Variants in MAP3K13 observed in about 807,000 individuals in gnomAD.
The protein encoded by MAP3K13 is mitogen-activated protein kinase kinase kinase 13, also known as leucine zipper-bearing kinase.
In MAP3K13, 52 loss-of-function variants were observed where a neutral mutation model predicts 104.0. The ratio of observed to expected loss-of-function variants is 0.50; its 90% confidence interval spans 0.40 to 0.63. The LOEUF is 0.63. MAP3K13 is among the 20% of genes least tolerant of loss of function. The probability of loss-of-function intolerance (pLI) is 0.00; values close to 1 mark genes in which losing one functional copy is unlikely to be tolerated. For synonymous variants in MAP3K13, 394 were observed against 442.2 expected (o/e 0.89, Z 1.37); for missense variants, 914 against 1,218.5 (o/e 0.75, Z 3.72).
At chr3:185,320,083 CTT>C (rs11382487) in intron 2 of MAP3K13, among the ~76,000 whole-genome samples, 3 of 143,786 alleles carry the variant, frequency 2.1e-5, no homozygotes, top group African/African-American at 2.6e-5. Flanking sequence ...ATGTAAGTAA[CTT>C]TTTTTTTTTT....
chr3:185,347,101 G>A (rs9882880), intron 2 of MAP3K13, among the ~76,000 whole-genome samples: 1 of 150,336 alleles, frequency 6.7e-6, no homozygotes, highest in East Asian at 1.9e-4. Flanking sequence ...ATTCTCCTGC[G>A]TCAGCCTCCT....
At chr3:185,402,084 T>C (rs548749957) in intron 1 of MAP3K13, among the ~76,000 whole-genome samples, 47 of 152,352 alleles carry the variant, frequency 3.1e-4, no homozygotes, top group South Asian at 4.1e-4. Flanking sequence ...AATTATTTAC[T>C]TGGACTCTCC....
At chr3:185,333,178 C>T (rs1224192372) in intron 2 of MAP3K13, among the ~76,000 whole-genome samples, 1 of 151,950 alleles carries the variant, frequency 6.6e-6, no homozygotes, top group African/African-American at 2.4e-5. Context: ...AATTTATAAG[C>T]TAGTCTAGTA....
intron 2 of MAP3K13, among the ~76,000 whole-genome samples, chr3:185,318,624 A>G (rs1192492070): frequency 6.6e-6 from 1 of 152,166 alleles, no homozygotes; most frequent in African/African-American, 2.4e-5. Context: ...GTAGCTTTCA[A>G]ATCTTTTTTG....
intron 1 of MAP3K13, among the ~76,000 whole-genome samples, chr3:185,364,569 AT>A (rs1723782059): frequency 6.6e-6 from 1 of 152,332 alleles, no homozygotes; most frequent in South Asian, 2.1e-4. Flanking sequence ...CTTCTAAATT[AT>A]GGCTATAATA....
intron 1 of MAP3K13, among the ~76,000 whole-genome samples, chr3:185,425,429 A>G (rs553650306): frequency 6.6e-6 from 1 of 152,134 alleles, no homozygotes; most frequent in South Asian, 2.1e-4. Context: ...CAATTACTAG[A>G]TCTTACTAAT....
At chr3:185,356,080 A>G (rs961198897) in intron 2 of MAP3K13, among the ~76,000 whole-genome samples, 7 of 152,246 alleles carry the variant, frequency 4.6e-5, no homozygotes, top group African/African-American at 1.4e-4. Context: ...TCAAAATATC[A>G]AAGATACAGC....
chr3:185,473,134 C>T lies in MAP3K13; in HGVS notation c.1803C>T (p.Asp601=). ...GGAATAGCAGAGGCAGCCATAGTGACTTTGCCGCAATCTTGAAAAACCAGC... is the reference window on the plus strand; with the variant it reads ...GGAATAGCAGAGGCAGCCATAGTGATTTTGCCGCAATCTTGAAAAACCAGC... The part of the protein sequence containing the change: ...RRGNSRGSHS[D]FAAILKNQPA... The change falls in exon 11 of 14, where the codon GAC becomes GAT. Residue 601 remains aspartate (D), a synonymous_variant. Coordinates refer to ENST00000265026, the MANE Select transcript of MAP3K13 (RefSeq NM_004721.5). This position sits in a 1 kb window ranked among gnomAD's most constrained non-coding sequence, Gnocchi z 4.9. 1.9e-6 allele frequency: 3 copies of T among 1,614,214 alleles called. No individual in the cohort carries two copies. Among genetic ancestry groups the T allele is most frequent in the Non-Finnish European group, 2.5e-6 (3 of 1,180,044 alleles).
Position 185,476,715 on chromosome 3 carries a change from A to T in MAP3K13, c.2431-611A>T, listed in dbSNP as rs146570025. 24 of 152,722 alleles carry T rather than the reference A, an allele frequency of 1.6e-4. 1 individual carries two copies. The East Asian group carries it at 4.4e-3, about 28-fold the overall frequency. 9.5% of individuals were successfully genotyped at this position (152,722 alleles called of 1,614,324 possible). ...ATTGCTGCCAACATGCTGACTCAAT[A>T]AAAATGCATTAAGCACTTTCTTTTA... On this transcript the variant is annotated intron_variant, in intron 11 of 13. Transcript: ENST00000265026.
intron 1 of MAP3K13, among the ~76,000 whole-genome samples, chr3:185,409,717 A>G (rs1401289733): frequency 1.3e-5 from 2 of 152,212 alleles, no homozygotes; most frequent in Admixed American, 6.5e-5. Flanking sequence ...ATGATAGCCA[A>G]GGTATGAATC....
At chr3:185,432,930 TAGCC>T (rs1381628307) in intron 2 of MAP3K13, among the ~76,000 whole-genome samples, 5 of 152,198 alleles carry the variant, frequency 3.3e-5, no homozygotes, top group African/African-American at 1.2e-4. Flanking sequence ...AGGGTTTCGC[TAGCC>T]AGAGACTAGC....
chr3:185,436,620 A>G (rs1715041161), intron 2 of MAP3K13, among the ~76,000 whole-genome samples: 1 of 152,188 alleles, frequency 6.6e-6, no homozygotes. Flanking sequence ...GTACTATGCT[A>G]GTGTATGGTA....
At chr3:185,441,547 AT>A (rs758346782) in intron 3 of MAP3K13, among the ~76,000 whole-genome samples, 2 of 152,312 alleles carry the variant, frequency 1.3e-5, no homozygotes, top group East Asian at 3.9e-4. Flanking sequence ...GATTGGAATA[AT>A]TGGAAAAGGT....
At chr3:185,455,069 TGA>T (rs1195327954) in intron 7 of MAP3K13, among the ~76,000 whole-genome samples, 10 of 114,990 alleles carry the variant, frequency 8.7e-5, no homozygotes, top group African/African-American at 1.3e-4. Context: ...GAGATATATA[TGA>T]GATATATGTG....
At chr3:185,331,857 TC>T (rs1256667535) in intron 2 of MAP3K13, among the ~76,000 whole-genome samples, 1 of 152,216 alleles carries the variant, frequency 6.6e-6, no homozygotes, top group African/African-American at 2.4e-5. Flanking sequence ...ATAAATAGAT[TC>T]TTATTTCCCT....
intron 1 of MAP3K13, among the ~76,000 whole-genome samples, chr3:185,410,873 T>TG (rs751924264): frequency 2.5e-4 from 38 of 151,142 alleles, no homozygotes; most frequent in Non-Finnish European, 4.4e-4. Flanking sequence ...AGGCAGAGGT[T>TG]GCAGTGAACT....
chr3:185,383,669 A>G (rs1354668530), intron 1 of MAP3K13, among the ~76,000 whole-genome samples: 1 of 152,076 alleles, frequency 6.6e-6, no homozygotes, highest in East Asian at 1.9e-4. Flanking sequence ...CCATAAGTGG[A>G]AGCAACCTGA....
rs183751701 is a variant in MAP3K13, at chr3:185,416,059, G to A, written c.-85-12438G>A. ...TGAAAAAGAAGTTGCATACATTTGG[G>A]ATTTTTGTCTCCTATTTTCCATCTT... On this transcript the variant is annotated intron_variant, in intron 1 of 13. Transcript: ENST00000265026. Among the ~76,000 whole-genome samples, 638 of 152,220 alleles carry A rather than the reference G, an allele frequency of 4.2e-3. 5 individuals carry two copies. The highest frequency in any genetic ancestry group is 0.014 in the African/African-American group (588 of 41,532).
chr3:185,317,086 CTT>C (rs1721704470), intron 2 of MAP3K13, among the ~76,000 whole-genome samples: 1 of 152,204 alleles, frequency 6.6e-6, no homozygotes, highest in Non-Finnish European at 1.5e-5. Flanking sequence ...TCCATTCACT[CTT>C]GTGTGCCCTT....
Sources: allele counts gnomAD v4.1 joint callset (sites outside exome capture counted in the v4.1 genomes callset), GRCh38; gene constraint gnomAD v4.1.1; non-coding constraint Gnocchi (gnomAD v3.1); transcripts MANE v1.5; gene names NCBI Gene and HGNC (gene_info 2026-07-23, HGNC 2026-07-21).